The following SH3GLB1 variants were observed in gnomAD, a reference collection of about 807,000 sequenced individuals.
SH3GLB1 encodes endophilin-B1.
In SH3GLB1, 17 loss-of-function variants were observed where a neutral mutation model predicts 42.0. That is an observed-to-expected ratio of 0.40 (90% CI 0.28 to 0.61). SH3GLB1 has a LOEUF of 0.61. SH3GLB1 is among the 20% of genes least tolerant of loss of function. SH3GLB1 has a pLI of 0.36. For missense variants in SH3GLB1, 355 were observed against 426.3 expected, an observed-to-expected ratio of 0.83 and a Z score of 1.47; for synonymous variants, 132 against 146.6, an observed-to-expected ratio of 0.90 and a Z score of 0.72.
At position 86,743,185 on chromosome 1, in the gene SH3GLB1, G is replaced by A. The variant is rs763143617; in HGVS notation, c.1048G>A (p.Gly350Arg). ...MDSDWLMGER[G>R]NQKGKVPITY... is the part of the protein sequence containing the mutation. ...TTCAGACTGGCTAATGGGGGAAAGG[G>A]GAAACCAGAAGGGCAAGGTGCCAAT... The change falls in exon 9 of 9, where the codon GGA (glycine) becomes AGA (arginine). Residue 350 changes from glycine (G) to arginine (R), a missense_variant. Transcript: ENST00000370558. The A allele has an allele frequency of 1.9e-6, 3 of 1,613,158 alleles. No individual in the cohort carries two copies. The highest frequency in any genetic ancestry group is 2.5e-6 in the Non-Finnish European group (3 of 1,179,760).
chr1:86,729,940 T>G, intron 5 of SH3GLB1: 1 of 676,650 alleles, frequency 1.5e-6, no homozygotes, highest in African/African-American at 1.8e-5. Flanking sequence ...TGTACCGATT[T>G]AGTTACTACT....
Position 86,743,209 on chromosome 1 carries a change from A to G in SH3GLB1, c.1072A>G (p.Ile358Val). 1 of 1,613,470 alleles carries G rather than the reference A, an allele frequency of 6.2e-7. No homozygotes were observed. The highest frequency in any genetic ancestry group is 8.5e-7 in the Non-Finnish European group (1 of 1,179,756). ...ERGNQKGKVP[I>V]TYLELLN ...GGGAAACCAGAAGGGCAAGGTGCCA[A>G]TTACCTACTTAGAACTGCTCAATTA... Residue 358 changes from isoleucine to valine, a missense_variant, in exon 9 of 9, where the codon ATT becomes GTT. Transcript: ENST00000370558.
At chr1:86,740,206 C>T (rs926718753) in intron 7 of SH3GLB1, among the ~76,000 whole-genome samples, 7 of 151,152 alleles carry the variant, frequency 4.6e-5, no homozygotes, top group African/African-American at 1.7e-4. Context: ...TAAAAGGAAG[C>T]AAGCTCATCA....
intron 5 of SH3GLB1, among the ~76,000 whole-genome samples, chr1:86,729,557 CAT>C (rs1398339150): frequency 6.6e-6 from 1 of 152,010 alleles, no homozygotes; most frequent in Non-Finnish European, 1.5e-5. Flanking sequence ...GAGGTAAAAA[CAT>C]AATTCTAAAC....
chr1:86,718,285 G>A (rs948226233), intron 2 of SH3GLB1, among the ~76,000 whole-genome samples: 1 of 151,722 alleles, frequency 6.6e-6, no homozygotes. Flanking sequence ...ACATCAAGTG[G>A]TCTACCTGCC....
At position 86,747,171 on chromosome 1, in the gene SH3GLB1, C is replaced by G. The variant is rs1482796529; in HGVS notation, c.*3936C>G. 2 of 152,534 alleles carry G rather than the reference C, an allele frequency of 1.3e-5. No homozygotes were observed. The highest frequency in any genetic ancestry group is 2.9e-5 in the Non-Finnish European group (2 of 68,022). 9.4% of individuals were successfully genotyped at this position (152,534 alleles called of 1,614,324 possible). A position where few individuals can be genotyped will look rare whatever the true frequency, so the allele number is the denominator to read the frequency against. Reference sequence around the variant, plus strand: ...ATTTGTTTAGTGTATATCTGTCACTCTAGAATGTAGGCTCCCTGAGATAAA... The same window carrying G: ...ATTTGTTTAGTGTATATCTGTCACTGTAGAATGTAGGCTCCCTGAGATAAA... On this transcript the variant is annotated 3_prime_UTR_variant, in exon 9 of 9. Coordinates refer to ENST00000370558, the MANE Select transcript of SH3GLB1 (RefSeq NM_016009.5).
At chr1:86,739,945 G>A (rs1486110056) in intron 7 of SH3GLB1, among the ~76,000 whole-genome samples, 1 of 152,074 alleles carries the variant, frequency 6.6e-6, no homozygotes, top group Non-Finnish European at 1.5e-5. Context: ...AGGAGTTTGA[G>A]ATTAGCCTGG....
chr1:86,731,614 T>C (rs1655514408), intron 5 of SH3GLB1, among the ~76,000 whole-genome samples: 1 of 152,218 alleles, frequency 6.6e-6, no homozygotes, highest in Non-Finnish European at 1.5e-5. Context: ...AGAAAATTTC[T>C]GACTTGATTT....
chr1:86,715,609 A>G (rs1019513189), intron 1 of SH3GLB1, 115 bp from the exon 2 acceptor site: 4 of 1,053,492 alleles, frequency 3.8e-6, no homozygotes, highest in African/African-American at 1.6e-5. Context: ...AAGCTGGAGC[A>G]TGGTTATTTG....
chr1:86,708,584 T>C (rs1317453261), intron 1 of SH3GLB1, among the ~76,000 whole-genome samples: 1 of 152,208 alleles, frequency 6.6e-6, no homozygotes, highest in Non-Finnish European at 1.5e-5. Context: ...CTTGGTACTT[T>C]AAAAAGAATG....
chr1:86,747,490 G>C lies in SH3GLB1; in HGVS notation c.*4255G>C, dbSNP rs1656357742. 7.7e-6 allele frequency: 1 copy of C among 130,158 alleles called. No individual in the cohort carries two copies. The highest frequency in any genetic ancestry group is 1.5e-5 in the Non-Finnish European group (1 of 65,250). 8.1% of individuals were successfully genotyped at this position (130,158 alleles called of 1,614,324 possible). A position where few individuals can be genotyped will look rare whatever the true frequency, so the allele number is the denominator to read the frequency against. On this transcript the variant is annotated 3_prime_UTR_variant, in exon 9 of 9. Transcript: ENST00000370558. ...ACTTGAAAAATCCTCTCTGCCTTCT[G>C]TAACCCTTAACCAACAACAGTGCCC...
intron 5 of SH3GLB1, among the ~76,000 whole-genome samples, chr1:86,732,338 T>A (rs1301147819): frequency 3.9e-5 from 6 of 152,226 alleles, no homozygotes; most frequent in Non-Finnish European, 5.9e-5. Context: ...CAGTTACTTT[T>A]AGCAGTAGAA....
chr1:86,728,456 C>T lies in SH3GLB1; in HGVS notation c.570+4051C>T, dbSNP rs549057908. ...ATAACATTATGGTAAATTTCTCTTA[C>T]ATGCTCAACTTCCTGCATGTAAAAT... On this transcript the variant is annotated intron_variant, in intron 5 of 8. Transcript: ENST00000370558. The T allele has an allele frequency of 9.0e-6, 14 of 1,553,940 alleles. No individual in the cohort carries two copies. The Admixed American group carries it at 1.2e-4, about 13-fold the overall frequency.
rs186643470 is a variant in SH3GLB1 at position 86,746,006 on chromosome 1, G to A, written c.*2771G>A. 4 of 152,644 alleles carry A rather than the reference G, an allele frequency of 2.6e-5. No individual in the cohort carries two copies. The highest frequency in any genetic ancestry group is 2.1e-4 in the South Asian group (1 of 4,822). 9.5% of individuals were successfully genotyped at this position (152,644 alleles called of 1,614,324 possible). ...TTCCTCAAAGTAATCTAACCTAAAC[G>A]GTCATGGTGTTAAAACTTTTTATGG... On this transcript the variant is annotated 3_prime_UTR_variant, in exon 9 of 9. Transcript: ENST00000370558.
intron 1 of SH3GLB1, among the ~76,000 whole-genome samples, chr1:86,714,306 GT>G (rs1312551925): frequency 2.6e-5 from 4 of 152,212 alleles, no homozygotes. Flanking sequence ...AGGTTGCATA[GT>G]TTATCCAGCT....
Position 86,734,788 on chromosome 1 carries a change from A to G in SH3GLB1, c.660+97A>G, listed in dbSNP as rs1490863800. 2.1e-5 allele frequency: 17 copies of G among 801,052 alleles called. No homozygotes were observed. In the South Asian group the frequency reaches 2.7e-4, roughly 13 times the overall value. 49.6% of individuals were successfully genotyped at this position (801,052 alleles called of 1,614,324 possible). A position where few individuals can be genotyped will look rare whatever the true frequency, so the allele number is the denominator to read the frequency against. ...AACTGAACTTTTCAGTCATTCATCA[A>G]GGAAATTTAAATTGTTCTACTTTCC... On this transcript the variant is annotated intron_variant, in intron 6 of 8. Coordinates refer to ENST00000370558, the MANE Select transcript of SH3GLB1 (RefSeq NM_016009.5).
chr1:86,727,224 G>C (rs1258365599), intron 5 of SH3GLB1, among the ~76,000 whole-genome samples: 2 of 151,872 alleles, frequency 1.3e-5, no homozygotes, highest in African/African-American at 4.8e-5. Context: ...ATTTCTGCTT[G>C]TATCTAATAT....
At position 86,735,135 on chromosome 1, in the gene SH3GLB1, A is replaced by T; in HGVS notation, c.717A>T (p.Ala239=). The T allele has an allele frequency of 6.2e-7, 1 of 1,613,060 alleles. No homozygotes were observed. Among genetic ancestry groups the T allele is most frequent in the Non-Finnish European group, 8.5e-7 (1 of 1,179,142 alleles). Reference sequence around the variant, plus strand: ...TAGAAGCCCAGATGACTTACTATGCACAGTGTTACCAGTATATGTTGGACC... The same window carrying T: ...TAGAAGCCCAGATGACTTACTATGCTCAGTGTTACCAGTATATGTTGGACC... ...DFVEAQMTYY[A]QCYQYMLDLQ... The change falls in exon 7 of 9, where the codon GCA becomes GCT. Residue 239 remains alanine (A), a synonymous_variant. Transcript: ENST00000370558.
intron 5 of SH3GLB1, chr1:86,730,492 T>C: frequency 1.6e-6 from 1 of 644,932 alleles, no homozygotes; most frequent in Non-Finnish European, 1.9e-6. Flanking sequence ...ATATAATATT[T>C]CGCACAAATG....
Sources: gnomAD v4.1 joint callset for allele counts (sites outside exome capture counted in the v4.1 genomes callset) on GRCh38, gnomAD v4.1.1 for gene constraint, MANE v1.5 for transcripts, NCBI Gene and HGNC (gene_info 2026-07-23, HGNC 2026-07-21) for gene names.